Variants in TBCK observed in about 807,000 individuals in gnomAD.
TBCK encodes the protein TBC1 domain containing kinase, also known as TBC domain-containing protein kinase-like protein.
A neutral mutation model predicts 113.4 loss-of-function variants in TBCK; 99 were observed. The observed-to-expected ratio is 0.87, with a 90% confidence interval of 0.74 to 1.03. The LOEUF (loss-of-function observed/expected upper bound fraction) is 1.03, where lower values mean the gene tolerates loss of function less well. Among genes scored for constraint, TBCK ranks in the 50% least tolerant of loss-of-function variants. The pLI, the probability that TBCK is intolerant of heterozygous loss-of-function variation, is 0.00. For missense variants in TBCK, 1,045 were observed against 1,061.3 expected (o/e 0.98, Z 0.21); for synonymous variants, 369 against 370.8 (o/e 1.00, Z 0.05).
rs536987558 is a variant in TBCK, at chr4:106,155,225, C to T, written c.2235+15870G>A. Among the ~76,000 whole-genome samples the T allele has an allele frequency of 2.6e-5, 4 of 151,830 alleles. No individual in the cohort carries two copies. The East Asian group carries it at 7.8e-4, about 29-fold the overall frequency. ...AGGTTTCCACTGAAAAGTCTGCTGC[C>T]GGACATATAAGAGTTCCATTGTATG... On this transcript the variant is annotated intron_variant, in intron 23 of 25. Transcript: ENST00000394708.
intron 20 of TBCK, among the ~76,000 whole-genome samples, chr4:106,200,300 G>T (rs563710503): frequency 6.6e-6 from 1 of 152,260 alleles, no homozygotes; most frequent in South Asian, 2.1e-4. Flanking sequence ...CAGCACTTTG[G>T]GAGGCCAAAG....
chr4:106,158,334 G>A (rs1442350246), intron 23 of TBCK, among the ~76,000 whole-genome samples: 3 of 152,142 alleles, frequency 2.0e-5, no homozygotes, highest in African/African-American at 7.2e-5. Context: ...CCTGAGGTCA[G>A]GAGTTCGAGA....
intron 24 of TBCK, among the ~76,000 whole-genome samples, chr4:106,113,587 A>G (rs1408063217): frequency 3.3e-5 from 5 of 152,106 alleles, no homozygotes; most frequent in Non-Finnish European, 5.9e-5. Context: ...AAACCTTACC[A>G]TAGCATGGCT....
chr4:106,217,049 A>C (rs2149918897), intron 19 of TBCK, among the ~76,000 whole-genome samples: 1 of 152,218 alleles, frequency 6.6e-6, no homozygotes, highest in South Asian at 2.1e-4. Flanking sequence ...CCTGGGATGC[A>C]AGGCTGGTTC....
chr4:106,050,972 C>A (rs377652129), intron 25 of TBCK, among the ~76,000 whole-genome samples: 6 of 152,010 alleles, frequency 3.9e-5, no homozygotes, highest in East Asian at 3.9e-4. Context: ...AAGGTTCTTG[C>A]GGGTGCCACT....
intron 25 of TBCK, among the ~76,000 whole-genome samples, chr4:106,081,524 G>C (rs1211395504): frequency 6.6e-6 from 1 of 152,162 alleles, no homozygotes; most frequent in East Asian, 1.9e-4. Context: ...TGTTGGGGGA[G>C]CTGGGGGAGG....
intron 24 of TBCK, among the ~76,000 whole-genome samples, chr4:106,108,786 G>T (rs541270342): frequency 6.6e-6 from 1 of 152,108 alleles, no homozygotes; most frequent in Non-Finnish European, 1.5e-5. Flanking sequence ...AAGAAATAAA[G>T]CTCATTCGAA....
intron 25 of TBCK, among the ~76,000 whole-genome samples, chr4:106,051,254 A>G (rs1214305888): frequency 6.6e-6 from 1 of 151,888 alleles, no homozygotes; most frequent in Non-Finnish European, 1.5e-5. Flanking sequence ...CAGGAAACTA[A>G]GAAAGTTTGG....
chr4:106,049,399 T>C (rs1734562201), intron 25 of TBCK, among the ~76,000 whole-genome samples: 1 of 152,072 alleles, frequency 6.6e-6, no homozygotes. Flanking sequence ...TTTCCTTTTA[T>C]TTCTCTTTCA....
At chr4:106,223,088 T>TA (rs1757881728) in intron 19 of TBCK, among the ~76,000 whole-genome samples, 4 of 152,072 alleles carry the variant, frequency 2.6e-5, no homozygotes, top group Admixed American at 2.6e-4. Flanking sequence ...AAGATATTCT[T>TA]AAAAATCCCA....
At position 106,080,465 on chromosome 4, in the gene TBCK, C is replaced by G. The variant is rs992726873; in HGVS notation, c.2571+15017G>C. On this transcript the variant is annotated intron_variant, in intron 25 of 25. Transcript: ENST00000394708. ...AATAAATAGTGCTGGGACATTCTAG[C>G]CAAATGCAGAAGATTGAAACTGGAT... Among the ~76,000 whole-genome samples, 51 of 152,190 alleles carry G rather than the reference C, an allele frequency of 3.4e-4. 1 individual carries two copies. Among genetic ancestry groups the G allele is most frequent in the African/African-American group, 1.2e-3 (48 of 41,518 alleles).
intron 25 of TBCK, among the ~76,000 whole-genome samples, chr4:106,067,127 A>G (rs999787554): frequency 6.6e-6 from 1 of 152,120 alleles, no homozygotes; most frequent in Admixed American, 6.6e-5. Context: ...TTACAATCCC[A>G]CTATTAATGC....
intron 12 of TBCK, among the ~76,000 whole-genome samples, chr4:106,241,058 G>A (rs1424306831): frequency 6.6e-6 from 1 of 151,910 alleles, no homozygotes; most frequent in African/African-American, 2.4e-5. Flanking sequence ...CTTGATGTAG[G>A]TGGTAAGTTG....
At chr4:106,103,666 G>A (rs1209432041) in intron 24 of TBCK, among the ~76,000 whole-genome samples, 1 of 152,148 alleles carries the variant, frequency 6.6e-6, no homozygotes, top group East Asian at 1.9e-4. Flanking sequence ...CTTAAAGACT[G>A]CTATTATTAG....
At chr4:106,260,050 C>T (rs532647055) in intron 5 of TBCK, among the ~76,000 whole-genome samples, 1 of 151,980 alleles carries the variant, frequency 6.6e-6, no homozygotes, top group African/African-American at 2.4e-5. Flanking sequence ...AAACATAAAA[C>T]ATTAAATTGA....
chr4:106,287,913 A>T (rs565676215), intron 3 of TBCK, among the ~76,000 whole-genome samples: 2 of 152,254 alleles, frequency 1.3e-5, no homozygotes, highest in South Asian at 4.1e-4. Flanking sequence ...ATGAGTTAAT[A>T]AATTTTTATT....
intron 25 of TBCK, among the ~76,000 whole-genome samples, chr4:106,090,121 TC>T (rs560332973): frequency 2.0e-5 from 3 of 152,314 alleles, no homozygotes; most frequent in South Asian, 2.1e-4. Context: ...TATCCAGACT[TC>T]CCCACACGTG....
chr4:106,136,859 A>G (rs1746621604), intron 23 of TBCK, among the ~76,000 whole-genome samples: 1 of 140,888 alleles, frequency 7.1e-6, no homozygotes, highest in Non-Finnish European at 1.6e-5. Flanking sequence ...CTATTCAGTA[A>G]AATTGGTTAG....
intron 19 of TBCK, among the ~76,000 whole-genome samples, chr4:106,225,237 A>T (rs1180072522): frequency 2.0e-5 from 3 of 152,026 alleles, no homozygotes; most frequent in Non-Finnish European, 4.4e-5. Context: ...ATTTTTTTTT[A>T]GCATAATATT....
Sources: allele counts gnomAD v4.1 joint callset (sites outside exome capture counted in the v4.1 genomes callset), GRCh38; gene constraint gnomAD v4.1.1; transcripts MANE v1.5; gene names NCBI Gene and HGNC (gene_info 2026-07-23, HGNC 2026-07-21).